The following CNTN6 variants were observed in gnomAD, a reference collection of about 807,000 sequenced individuals.
CNTN6 encodes contactin 6, also known as contactin-6.
CNTN6 carries 137 observed loss-of-function variants against 122.8 expected under a neutral mutation model. The ratio of observed to expected loss-of-function variants is 1.12; its 90% CI spans 0.97 to 1.29. The LOEUF is 1.29. CNTN6 is among the 50% of genes most tolerant of loss of function. The pLI is 0.00. For synonymous variants in CNTN6, 570 were observed against 426.0 expected, an observed-to-expected ratio of 1.34 and a Z score of -4.16; for missense variants, 1,634 against 1,223.4, an observed-to-expected ratio of 1.34 and a Z score of -5.01.
At chr3:1,250,134 AG>A (rs1174393796) in intron 4 of CNTN6, among the ~76,000 whole-genome samples, 1 of 152,214 alleles carries the variant, frequency 6.6e-6, no homozygotes, top group Non-Finnish European at 1.5e-5. Flanking sequence ...AATTAATAAA[AG>A]CTTATATGTG....
chr3:1,201,897 A>G (rs1157265366), intron 2 of CNTN6, among the ~76,000 whole-genome samples: 1 of 149,700 alleles, frequency 6.7e-6, no homozygotes, highest in Non-Finnish European at 1.5e-5. Context: ...GGGATAGTAT[A>G]GAAAAAAAAA....
chr3:1,356,477 T>G (rs984263431), intron 12 of CNTN6, among the ~76,000 whole-genome samples: 2 of 151,820 alleles, frequency 1.3e-5, no homozygotes, highest in Non-Finnish European at 2.9e-5. Context: ...GGTCTAAGTT[T>G]ACTAAGAGAA....
At chr3:1,300,649 G>A (rs1188894310) in intron 7 of CNTN6, among the ~76,000 whole-genome samples, 1 of 151,984 alleles carries the variant, frequency 6.6e-6, no homozygotes, top group Non-Finnish European at 1.5e-5. Flanking sequence ...GATCAATATA[G>A]TCTTTGAACT....
intron 4 of CNTN6, among the ~76,000 whole-genome samples, chr3:1,250,170 A>G (rs2094641415): frequency 6.6e-6 from 1 of 152,198 alleles, no homozygotes; most frequent in African/African-American, 2.4e-5. Flanking sequence ...ATATGGGAAA[A>G]CATTTCCTGA....
chr3:1,163,122 T>C (rs1214488562), intron 2 of CNTN6, among the ~76,000 whole-genome samples: 2 of 152,332 alleles, frequency 1.3e-5, no homozygotes, highest in East Asian at 3.9e-4. Flanking sequence ...TACAATTTCT[T>C]AATAGTTCTG....
At chr3:1,321,381 A>C (rs1287786091) in intron 7 of CNTN6, among the ~76,000 whole-genome samples, 1 of 150,072 alleles carries the variant, frequency 6.7e-6, no homozygotes, top group East Asian at 2.0e-4. Flanking sequence ...GTCTGTAAGC[A>C]ACATAAGGGC....
intron 1 of CNTN6, among the ~76,000 whole-genome samples, chr3:1,132,772 A>G (rs1317475059): frequency 1.3e-5 from 2 of 152,140 alleles, no homozygotes; most frequent in African/African-American, 4.8e-5. Context: ...TCCCTCTTCT[A>G]GAGTGTTTGA....
intron 20 of CNTN6, among the ~76,000 whole-genome samples, chr3:1,390,863 T>C (rs1694038510): frequency 6.7e-6 from 1 of 150,364 alleles, no homozygotes; most frequent in Non-Finnish European, 1.5e-5. Flanking sequence ...CAGGAAGAAG[T>C]TGAATCTCTG....
chr3:1,237,874 C>T (rs1021131821), intron 4 of CNTN6, among the ~76,000 whole-genome samples: 8 of 151,894 alleles, frequency 5.3e-5, no homozygotes, highest in African/African-American at 1.9e-4. Context: ...ACTACCAAGC[C>T]AACACAAGAA....
intron 4 of CNTN6, among the ~76,000 whole-genome samples, chr3:1,266,499 G>A (rs757258749): frequency 3.3e-5 from 5 of 152,112 alleles, no homozygotes; most frequent in African/African-American, 2.4e-5. Context: ...CTTGCTTCAC[G>A]CTTCTTGTAT....
intron 3 of CNTN6, among the ~76,000 whole-genome samples, chr3:1,221,730 ATAC>A (rs1239206293): frequency 4.6e-5 from 7 of 152,330 alleles, no homozygotes; most frequent in African/African-American, 1.7e-4. Context: ...TCATAGGTAA[ATAC>A]TACAGATATT....
intron 14 of CNTN6, 82 bp from the exon 15 acceptor site, chr3:1,373,522 C>T: frequency 7.6e-7 from 1 of 1,321,050 alleles, no homozygotes; most frequent in African/African-American, 1.5e-5. Flanking sequence ...CTAAGCACAA[C>T]AGGTAAAAAT....
At chr3:1,246,338 A>G (rs1019360135) in intron 4 of CNTN6, among the ~76,000 whole-genome samples, 9 of 152,220 alleles carry the variant, frequency 5.9e-5, no homozygotes, top group Admixed American at 3.3e-4. Flanking sequence ...TTAGCCAACT[A>G]TGTTTCTGAG....
chr3:1,291,731 C>A (rs1294287734), intron 5 of CNTN6, among the ~76,000 whole-genome samples: 1 of 152,144 alleles, frequency 6.6e-6, no homozygotes, highest in African/African-American at 2.4e-5. Flanking sequence ...TTGAGCATCT[C>A]TTTGGTGGAG....
chr3:1,363,906 C>T (rs1274129007), intron 12 of CNTN6, among the ~76,000 whole-genome samples: 2 of 151,874 alleles, frequency 1.3e-5, no homozygotes, highest in African/African-American at 4.8e-5. Flanking sequence ...TTTTTCCACA[C>T]CCTAGATAAC....
At chr3:1,382,111 A>T (rs1291837717) in intron 17 of CNTN6, among the ~76,000 whole-genome samples, 1 of 152,106 alleles carries the variant, frequency 6.6e-6, no homozygotes, top group Non-Finnish European at 1.5e-5. Flanking sequence ...TTATTAAAAA[A>T]AAAAAAGCAA....
Position 1,403,465 on chromosome 3 carries a change from C to T in CNTN6, c.*47C>T. On this transcript the variant is annotated 3_prime_UTR_variant, in exon 23 of 23. Transcript: ENST00000446702. ...GAGAGTTTTTTGAAAGCAAATCATT[C>T]TGTATATATGCTCTCCAGCCTCTGA... The T allele has an allele frequency of 8.2e-7, 1 of 1,215,902 alleles. No individual in the cohort carries two copies. Among genetic ancestry groups the T allele is most frequent in the South Asian group, 1.2e-5 (1 of 82,104 alleles). The allele number at this position is 1,215,902 out of a possible 1,614,324, so 75.3% of individuals were successfully genotyped here. A position where few individuals can be genotyped will look rare whatever the true frequency, so the allele number is the denominator to read the frequency against.
At chr3:1,212,013 T>G (rs1243885980) in intron 2 of CNTN6, among the ~76,000 whole-genome samples, 1 of 152,240 alleles carries the variant, frequency 6.6e-6, no homozygotes, top group East Asian at 1.9e-4. Flanking sequence ...TAAAAAGTTC[T>G]CAGTATTTAG....
intron 4 of CNTN6, among the ~76,000 whole-genome samples, chr3:1,251,174 G>C (rs772022953): frequency 6.6e-6 from 1 of 151,976 alleles, no homozygotes; most frequent in Non-Finnish European, 1.5e-5. Flanking sequence ...GACTTCTTTC[G>C]TTCTGTTGCC....
Sources: allele counts gnomAD v4.1 joint callset (sites outside exome capture counted in the v4.1 genomes callset), GRCh38; gene constraint gnomAD v4.1.1; transcripts MANE v1.5; gene names NCBI Gene and HGNC (gene_info 2026-07-23, HGNC 2026-07-21).